Variants in NFIA observed in about 807,000 individuals in gnomAD.
NFIA encodes nuclear factor I A, also known as nuclear factor 1 A-type.
In NFIA, 8 loss-of-function variants were observed where a neutral mutation model predicts 62.8. That is an observed-to-expected ratio of 0.13 (90% CI 0.07 to 0.23). NFIA has a LOEUF of 0.23. Among genes scored for constraint, NFIA ranks in the 10% least tolerant of loss-of-function variants. The probability of loss-of-function intolerance (pLI) is 1.00; values close to 1 mark genes in which losing one functional copy is unlikely to be tolerated. For synonymous variants in NFIA, 235 were observed against 238.1 expected (o/e 0.99, Z 0.12); for missense variants, 410 against 642.1 (o/e 0.64, Z 3.91).
At chr1:61,103,112 G>A (rs1426476554) in intron 2 of NFIA, among the ~76,000 whole-genome samples, 2 of 152,172 alleles carry the variant, frequency 1.3e-5, no homozygotes, top group Non-Finnish European at 2.9e-5. Context: ...TACCTTTTGT[G>A]GTTGAGTTAA....
chr1:61,121,023 A>G (rs1457644698), intron 2 of NFIA, among the ~76,000 whole-genome samples: 1 of 152,262 alleles, frequency 6.6e-6, no homozygotes, highest in Non-Finnish European at 1.5e-5. Flanking sequence ...TAAAAGTATT[A>G]GCATTGTAAG....
chr1:61,082,086 C>A, upstream of NFIA: 1 of 1,523,680 alleles, frequency 6.6e-7, no homozygotes, highest in South Asian at 1.2e-5. Flanking sequence ...GGGATGGGGA[C>A]GAGGAAAAGT....
chr1:61,409,480 GC>G (rs1436623041), intron 9 of NFIA, among the ~76,000 whole-genome samples: 7 of 152,118 alleles, frequency 4.6e-5, no homozygotes, highest in Admixed American at 3.9e-4. Context: ...AAATCTTGAA[GC>G]CCACTCATCC....
At chr1:61,192,564 G>A (rs770652986) in intron 2 of NFIA, among the ~76,000 whole-genome samples, 1 of 151,914 alleles carries the variant, frequency 6.6e-6, no homozygotes, top group African/African-American at 2.4e-5. Flanking sequence ...TTAGCTGAGC[G>A]TGGTGGTGGG....
chr1:61,134,809 G>T, intron 2 of NFIA, among the ~76,000 whole-genome samples: 1 of 152,132 alleles, frequency 6.6e-6, no homozygotes, highest in East Asian at 1.9e-4. Flanking sequence ...GGGCAACATA[G>T]GGAGACCCTG....
intron 2 of NFIA, among the ~76,000 whole-genome samples, chr1:61,227,619 A>G (rs534416326): frequency 5.6e-4 from 86 of 152,268 alleles, no homozygotes; most frequent in African/African-American, 2.0e-3. Context: ...TTTTGCCCCC[A>G]CTACTTCTCT....
chr1:61,423,979 A>C (rs1339762662), intron 9 of NFIA, among the ~76,000 whole-genome samples: 4 of 151,348 alleles, frequency 2.6e-5, no homozygotes, highest in Non-Finnish European at 5.9e-5. Context: ...TGTAGCTGTT[A>C]TATATGAATA....
At chr1:61,080,049 G>A (rs951044330), upstream of NFIA, among the ~76,000 whole-genome samples, 22 of 152,086 alleles carry the variant, frequency 1.4e-4, no homozygotes, top group Admixed American at 1.4e-3. Context: ...GGGAGCTGGC[G>A]GAGATAGGAG....
At chr1:61,081,876 C>A, upstream of NFIA, 1 of 1,542,444 alleles carries the variant, frequency 6.5e-7, no homozygotes. Context: ...TGCTTTGAGC[C>A]TTACCGCATT....
At chr1:61,404,050 C>A in intron 7 of NFIA, 54 bp from the exon 8 acceptor site, 1 of 1,589,260 alleles carries the variant, frequency 6.3e-7, no homozygotes, top group Non-Finnish European at 8.6e-7. Flanking sequence ...TCGGGTTCAG[C>A]TATGACAAAG....
chr1:61,178,077 C>T (rs1466200195), intron 2 of NFIA, among the ~76,000 whole-genome samples: 1 of 152,110 alleles, frequency 6.6e-6, no homozygotes, highest in African/African-American at 2.4e-5. Context: ...CCTAGATCGC[C>T]AGAGATCAAG....
At chr1:61,305,466 T>G (rs981157940) in intron 3 of NFIA, among the ~76,000 whole-genome samples, 1 of 152,196 alleles carries the variant, frequency 6.6e-6, no homozygotes. Flanking sequence ...TTAGAGAGGT[T>G]GCAAGTTAGA....
Position 61,458,486 on chromosome 1 carries a change from T to G in NFIA, c.*3166T>G, listed in dbSNP as rs1452891667. The G allele has an allele frequency of 6.6e-6, 1 of 152,176 alleles. No homozygotes were observed. Among genetic ancestry groups the G allele is most frequent in the African/African-American group, 2.4e-5 (1 of 41,456 alleles). 9.4% of individuals were successfully genotyped at this position (152,176 alleles called of 1,614,324 possible). On this transcript the variant is annotated 3_prime_UTR_variant, in exon 11 of 11. Coordinates refer to ENST00000403491, the MANE Select transcript of NFIA (RefSeq NM_001134673.4). ...ATGTAATTTGTATTGTTGTATAGTT[T>G]TATTGATTACACTGATTTATTCTAC...
intron 8 of NFIA, among the ~76,000 whole-genome samples, chr1:61,404,699 G>A (rs1016117635): frequency 1.3e-5 from 2 of 152,152 alleles, no homozygotes; most frequent in Non-Finnish European, 1.5e-5. Flanking sequence ...GATCAACTAA[G>A]TTGATATTTT....
chr1:61,409,934 T>C (rs560048973), intron 9 of NFIA, among the ~76,000 whole-genome samples: 27 of 152,282 alleles, frequency 1.8e-4, no homozygotes, highest in South Asian at 2.1e-4. Context: ...GGAATAAATA[T>C]CAGGAGTGAA....
chr1:61,165,562 C>G (rs981631412), intron 2 of NFIA, among the ~76,000 whole-genome samples: 3 of 152,158 alleles, frequency 2.0e-5, no homozygotes, highest in Non-Finnish European at 2.9e-5. Flanking sequence ...CAAATTGACT[C>G]GTGTGATATT....
chr1:61,405,171 T>G (rs145122559), intron 8 of NFIA, among the ~76,000 whole-genome samples: 1 of 152,358 alleles, frequency 6.6e-6, no homozygotes, highest in African/African-American at 2.4e-5. Flanking sequence ...AAATACCTGA[T>G]TCTGCATATC....
At chr1:61,309,617 G>C (rs367742285) in intron 3 of NFIA, among the ~76,000 whole-genome samples, 1 of 152,204 alleles carries the variant, frequency 6.6e-6, no homozygotes, top group Non-Finnish European at 1.5e-5. Flanking sequence ...GTGGCCGGGC[G>C]CAGTGGCTAA....
chr1:61,219,454 C>T (rs1653863276), intron 2 of NFIA, among the ~76,000 whole-genome samples: 1 of 152,116 alleles, frequency 6.6e-6, no homozygotes, highest in Non-Finnish European at 1.5e-5. Flanking sequence ...GTGGCTCACA[C>T]CTGTAATCCC....
Sources: allele counts gnomAD v4.1 joint callset (sites outside exome capture counted in the v4.1 genomes callset), GRCh38; gene constraint gnomAD v4.1.1; transcripts MANE v1.5; gene names NCBI Gene and HGNC (gene_info 2026-07-23, HGNC 2026-07-21).